The following PTPRD variants were observed in gnomAD, a reference collection of about 807,000 sequenced individuals.
PTPRD encodes the protein protein tyrosine phosphatase receptor type D.
PTPRD carries 34 observed loss-of-function variants against 214.5 expected under a neutral mutation model. That is an observed-to-expected ratio of 0.16 (90% CI 0.12 to 0.21). The LOEUF (loss-of-function observed/expected upper bound fraction) is 0.21, where lower values mean the gene tolerates loss of function less well. PTPRD is among the 10% of genes least tolerant of loss of function. The pLI, the probability that PTPRD is intolerant of heterozygous loss-of-function variation, is 1.00. For synonymous variants in PTPRD, 1,128 were observed against 845.7 expected, an observed-to-expected ratio of 1.33 and a Z score of -5.79; for missense variants, 2,545 against 2,398.7, an observed-to-expected ratio of 1.06 and a Z score of -1.27.
At chr9:8,947,462 C>CAAAAA (rs138279192) in intron 11 of PTPRD, among the ~76,000 whole-genome samples, 1 of 93,014 alleles carries the variant, frequency 1.1e-5, no homozygotes, top group African/African-American at 4.0e-5. Context: ...GACTCTGTCT[C>CAAAAA]AAAAAAAAAA....
At chr9:9,927,321 C>G (rs1249537950) in intron 5 of PTPRD, among the ~76,000 whole-genome samples, 1 of 152,074 alleles carries the variant, frequency 6.6e-6, no homozygotes, top group Non-Finnish European at 1.5e-5. Flanking sequence ...GTATTACCTT[C>G]CATTATTACT....
At chr9:8,386,398 A>G (rs2087063433) in intron 37 of PTPRD, among the ~76,000 whole-genome samples, 2 of 152,164 alleles carry the variant, frequency 1.3e-5, no homozygotes, top group Admixed American at 6.5e-5. Flanking sequence ...CATACTTCTA[A>G]TTCACAGCAG....
chr9:10,483,505 A>G (rs2099113649), intron 2 of PTPRD, among the ~76,000 whole-genome samples: 1 of 152,126 alleles, frequency 6.6e-6, no homozygotes, highest in Non-Finnish European at 1.5e-5. Flanking sequence ...ACAGAATGAA[A>G]AAAAAAATTG....
chr9:10,532,915 C>T (rs1458068655), intron 2 of PTPRD, among the ~76,000 whole-genome samples: 1 of 151,842 alleles, frequency 6.6e-6, no homozygotes, highest in Non-Finnish European at 1.5e-5. Flanking sequence ...TTGTCCCCAC[C>T]AAAACTCATG....
intron 6 of PTPRD, among the ~76,000 whole-genome samples, chr9:9,751,577 T>A (rs192434297): frequency 6.6e-6 from 1 of 152,190 alleles, no homozygotes; most frequent in Non-Finnish European, 1.5e-5. Context: ...AATGAGGTCA[T>A]GTTGAAGTGG....
chr9:8,969,982 G>A (rs10977413), intron 11 of PTPRD, among the ~76,000 whole-genome samples: 104,260 of 151,650 alleles, frequency 0.69, 36,186 homozygotes, highest in East Asian at 0.85. Flanking sequence ...TGTAAAAGAA[G>A]ATTAGTATTT....
intron 39 of PTPRD, among the ~76,000 whole-genome samples, chr9:8,344,900 A>G (rs548933480): frequency 2.7e-5 from 4 of 150,896 alleles, no homozygotes; most frequent in Non-Finnish European, 5.9e-5. Flanking sequence ...AATTAAAAAT[A>G]CCAAGTGTTT....
At chr9:8,644,602 G>A (rs887931871) in intron 12 of PTPRD, among the ~76,000 whole-genome samples, 2 of 152,184 alleles carry the variant, frequency 1.3e-5, no homozygotes, top group Admixed American at 1.3e-4. Flanking sequence ...TCACTCTTTG[G>A]GGCCTAGTGG....
intron 10 of PTPRD, among the ~76,000 whole-genome samples, chr9:9,119,353 G>C (rs1267331670): frequency 1.3e-5 from 2 of 151,428 alleles, no homozygotes; most frequent in African/African-American, 4.9e-5. Flanking sequence ...ATCTGATTTA[G>C]CAAAAATGGT....
intron 8 of PTPRD, among the ~76,000 whole-genome samples, chr9:9,403,240 G>A (rs1291970811): frequency 2.5e-5 from 3 of 118,760 alleles, no homozygotes; most frequent in African/African-American, 9.7e-5. Flanking sequence ...TCAGTAAGCT[G>A]ACATTGTGCC....
chr9:8,601,459 A>G (rs1055555507), intron 14 of PTPRD, among the ~76,000 whole-genome samples: 1 of 152,188 alleles, frequency 6.6e-6, no homozygotes, highest in Non-Finnish European at 1.5e-5. Flanking sequence ...TGCTTCAGCT[A>G]TGACACAGCA....
chr9:10,046,028 A>C (rs1395016446), intron 3 of PTPRD, among the ~76,000 whole-genome samples: 2 of 151,792 alleles, frequency 1.3e-5, no homozygotes, highest in Non-Finnish European at 3.0e-5. Context: ...GTTAAACTAG[A>C]AAATATGAGG....
At chr9:10,349,981 T>C (rs1449833558) in intron 2 of PTPRD, among the ~76,000 whole-genome samples, 1 of 152,208 alleles carries the variant, frequency 6.6e-6, no homozygotes, top group African/African-American at 2.4e-5. Context: ...TTGTTTTAAA[T>C]AATTGAAAGA....
At chr9:8,538,615 A>G (rs1348385868) in intron 14 of PTPRD, among the ~76,000 whole-genome samples, 12 of 151,372 alleles carry the variant, frequency 7.9e-5, no homozygotes, top group African/African-American at 2.9e-4. Flanking sequence ...TTAAATATAT[A>G]TGTACACACA....
Position 8,314,319 on chromosome 9 carries a change from A to G in PTPRD, c.*3555T>C. The G allele has an allele frequency of 4.4e-6, 1 of 225,682 alleles. No homozygotes were observed. The highest frequency in any genetic ancestry group is 2.2e-5 in the African/African-American group (1 of 45,022). The allele number at this position is 225,682 out of a possible 1,614,324, so 14.0% of individuals were successfully genotyped here. A position where few individuals can be genotyped will look rare whatever the true frequency, so the allele number is the denominator to read the frequency against. On this transcript the variant is annotated 3_prime_UTR_variant, in exon 46 of 46. Coordinates refer to ENST00000381196, the MANE Select transcript of PTPRD (RefSeq NM_002839.4). ...TTGTGTCAGCAAAGAACTGATTTTC[A>G]TACAGACTTCTTTCGCCACCAATGT...
chr9:8,838,016 G>A (rs1487279658), intron 11 of PTPRD, among the ~76,000 whole-genome samples: 1 of 152,120 alleles, frequency 6.6e-6, no homozygotes, highest in Non-Finnish European at 1.5e-5. Flanking sequence ...TATTGAAAAT[G>A]TAAGAGTCAA....
chr9:8,694,913 C>G (rs2097878550), intron 12 of PTPRD, among the ~76,000 whole-genome samples: 1 of 152,162 alleles, frequency 6.6e-6, no homozygotes, highest in Non-Finnish European at 1.5e-5. Context: ...CTTGACCCAA[C>G]AAACATATCC....
chr9:10,142,235 C>T (rs1189528211), intron 3 of PTPRD, among the ~76,000 whole-genome samples: 1 of 151,402 alleles, frequency 6.6e-6, no homozygotes, highest in African/African-American at 2.4e-5. Context: ...ATGTCTAAAA[C>T]ACCAAAAGCA....
chr9:9,155,409 C>T (rs6477369), intron 10 of PTPRD, among the ~76,000 whole-genome samples: 129,847 of 152,024 alleles, frequency 0.85, 55,549 homozygotes, highest in Non-Finnish European at 0.87. Flanking sequence ...GAGGGGTAGG[C>T]GAAGGCAAAA....
Sources: allele counts gnomAD v4.1 joint callset (sites outside exome capture counted in the v4.1 genomes callset), GRCh38; gene constraint gnomAD v4.1.1; transcripts MANE v1.5; gene names NCBI Gene and HGNC (gene_info 2026-07-23, HGNC 2026-07-21).